The following SUSD1 variants were observed in gnomAD, a reference collection of about 807,000 sequenced individuals.
The protein encoded by SUSD1 is sushi domain containing 1.
A neutral mutation model predicts 86.9 loss-of-function variants in SUSD1; 65 were observed. That is an observed-to-expected ratio of 0.75 (90% CI 0.61 to 0.92). The LOEUF (loss-of-function observed/expected upper bound fraction) is 0.92, where lower values mean the gene tolerates loss of function less well. Among genes scored for constraint, SUSD1 ranks in the 40% least tolerant of loss-of-function variants. The probability of loss-of-function intolerance (pLI) is 0.00; values close to 1 mark genes in which losing one functional copy is unlikely to be tolerated. For missense variants in SUSD1, 850 were observed against 929.7 expected (o/e 0.91, Z 1.11); for synonymous variants, 346 against 350.0 (o/e 0.99, Z 0.13).
chr9:112,092,633 C>A (rs77286251), intron 10 of SUSD1, among the ~76,000 whole-genome samples: 1 of 152,090 alleles, frequency 6.6e-6, no homozygotes, highest in Non-Finnish European at 1.5e-5. Flanking sequence ...TTAGCCTAGA[C>A]GTCTAACCTA....
At chr9:112,054,039 A>T (rs1332109957) in intron 14 of SUSD1, among the ~76,000 whole-genome samples, 3 of 152,238 alleles carry the variant, frequency 2.0e-5, no homozygotes, top group African/African-American at 7.2e-5. Flanking sequence ...TTTCTGTCTT[A>T]GCAATGGGAG....
intron 3 of SUSD1, among the ~76,000 whole-genome samples, chr9:112,147,446 G>C (rs1307247470): frequency 6.6e-6 from 1 of 152,078 alleles, no homozygotes; most frequent in Non-Finnish European, 1.5e-5. Flanking sequence ...GAACGCAGGA[G>C]GCAGAGGTTG....
At chr9:112,089,546 G>A (rs899197723) in intron 10 of SUSD1, among the ~76,000 whole-genome samples, 3 of 152,092 alleles carry the variant, frequency 2.0e-5, no homozygotes, top group Non-Finnish European at 4.4e-5. Flanking sequence ...CTGGCCAGGT[G>A]CGGTGGCTCA....
At chr9:112,158,861 CAT>C (rs1833450053) in intron 1 of SUSD1, among the ~76,000 whole-genome samples, 2 of 152,078 alleles carry the variant, frequency 1.3e-5, no homozygotes, top group African/African-American at 4.8e-5. Context: ...GTCATTTGCC[CAT>C]ATGTTATGAT....
chr9:112,044,079 C>T (rs1827858420), intron 15 of SUSD1, among the ~76,000 whole-genome samples: 1 of 152,092 alleles, frequency 6.6e-6, no homozygotes, highest in Non-Finnish European at 1.5e-5. Context: ...GAATTATAGG[C>T]ATGAGCCACC....
At chr9:112,154,782 G>A (rs1268204660) in intron 2 of SUSD1, among the ~76,000 whole-genome samples, 1 of 152,112 alleles carries the variant, frequency 6.6e-6, no homozygotes, top group Admixed American at 6.6e-5. Flanking sequence ...AAGACCCTAG[G>A]CTTAATACCA....
At chr9:112,079,444 G>A (rs1281403458) in intron 11 of SUSD1, among the ~76,000 whole-genome samples, 2 of 152,184 alleles carry the variant, frequency 1.3e-5, no homozygotes, top group South Asian at 2.1e-4. Flanking sequence ...TAGAATACTC[G>A]TAGCTGGTCT....
At chr9:112,083,038 C>T (rs1189231031) in intron 10 of SUSD1, among the ~76,000 whole-genome samples, 2 of 152,026 alleles carry the variant, frequency 1.3e-5, no homozygotes, top group African/African-American at 4.8e-5. Context: ...TGTACCCAGC[C>T]CTCATGTTAT....
chr9:112,108,563 A>C (rs1326234341), intron 8 of SUSD1, among the ~76,000 whole-genome samples: 1 of 152,100 alleles, frequency 6.6e-6, no homozygotes, highest in Non-Finnish European at 1.5e-5. Context: ...ATATCAATTG[A>C]GCCCAGAAGT....
At chr9:112,174,862 GTCCCTGGGGGC>G (rs1834201251) in intron 1 of SUSD1, among the ~76,000 whole-genome samples, 1 of 152,000 alleles carries the variant, frequency 6.6e-6, no homozygotes. Context: ...GGCAGTGGAG[GTCCCTGGGGGC>G]CCGGCCAGGC....
chr9:112,095,809 C>T (rs1283874813), intron 10 of SUSD1, among the ~76,000 whole-genome samples: 1 of 152,120 alleles, frequency 6.6e-6, no homozygotes, highest in East Asian at 1.9e-4. Context: ...TGAAGAGTTT[C>T]CTAAGATAAA....
chr9:112,159,508 G>A (rs751732763), intron 1 of SUSD1, among the ~76,000 whole-genome samples: 6 of 152,246 alleles, frequency 3.9e-5, no homozygotes, highest in East Asian at 1.9e-4. Context: ...ATCTCAGACC[G>A]TAAAGACAAA....
At position 112,098,337 on chromosome 9, in the gene SUSD1, G is replaced by A. The variant is rs1830484226; in HGVS notation, c.1474+133C>T. 8 of 856,876 alleles carry A rather than the reference G, an allele frequency of 9.3e-6. No homozygotes were observed. In the South Asian group the frequency reaches 1.5e-4, roughly 16 times the overall value. 53.1% of individuals were successfully genotyped at this position (856,876 alleles called of 1,614,324 possible). A position where few individuals can be genotyped will look rare whatever the true frequency, so the allele number is the denominator to read the frequency against. On this transcript the variant is annotated intron_variant, in intron 10 of 16. Coordinates refer to ENST00000374270, the MANE Select transcript of SUSD1 (RefSeq NM_022486.5). ...TCAGGCATCCTGAACCCCAGACGCA[G>A]CTAACAAAGTTTGTTAGAACTGGAA...
chr9:112,112,803 A>G lies in SUSD1; in HGVS notation c.952T>C (p.Ser318Pro), dbSNP rs971633766. 1 of 1,613,184 alleles carries G rather than the reference A, an allele frequency of 6.2e-7. No homozygotes were observed. Among genetic ancestry groups the G allele is most frequent in the African/African-American group, 1.3e-5 (1 of 75,034 alleles). ...GAGATCTTGGGGTTTATTCTTCTTG[A>G]GTTTATTTGCCATCTCACACAGGTA... is the stretch of plus-strand genomic sequence containing the variant. ...NDTCVRWQIN[S>P]RRINPKISYV... Residue 318 changes from serine to proline, a missense_variant, in exon 7 of 17, where the codon TCA (serine) becomes CCA (proline). Transcript: ENST00000374270.
chr9:112,175,127 A>T lies in SUSD1; in HGVS notation c.103+6T>A, dbSNP rs1395726664. The T allele has an allele frequency of 9.6e-7, 1 of 1,039,158 alleles. No individual in the cohort carries two copies. The highest frequency in any genetic ancestry group is 1.2e-6 in the Non-Finnish European group (1 of 868,204). 64.4% of individuals were successfully genotyped at this position (1,039,158 alleles called of 1,614,324 possible). Reference sequence around the variant, plus strand: ...GCCGCCCGTGCCCGTCCCAGCCCGCACTCACCGTCGGGGCCCGGCGCTCCC... The same window carrying T: ...GCCGCCCGTGCCCGTCCCAGCCCGCTCTCACCGTCGGGGCCCGGCGCTCCC... On this transcript the variant is annotated splice_donor_region_variant and intron_variant, in intron 1 of 16. Coordinates refer to ENST00000374270, the MANE Select transcript of SUSD1 (RefSeq NM_022486.5). This position sits in a 1 kb window ranked among gnomAD's most constrained non-coding sequence, Gnocchi z 4.7.
intron 1 of SUSD1, among the ~76,000 whole-genome samples, chr9:112,159,892 G>T (rs902839684): frequency 6.6e-6 from 1 of 151,946 alleles, no homozygotes; most frequent in East Asian, 1.9e-4. Context: ...ATAATTAGTG[G>T]TTTTTCTCAT....
intron 6 of SUSD1, among the ~76,000 whole-genome samples, chr9:112,115,824 G>GAAAAAAAAGA (rs1831298454): frequency 1.2e-4 from 15 of 120,954 alleles, no homozygotes; most frequent in South Asian, 5.3e-4. Context: ...AAAAAAAAAA[G>GAAAAAAAAGA]AAAAAAAAAA....
chr9:112,132,977 T>C (rs1157618817), intron 5 of SUSD1, among the ~76,000 whole-genome samples: 1 of 152,144 alleles, frequency 6.6e-6, no homozygotes. Flanking sequence ...TAGAAAATGT[T>C]ATACAGCAGA....
At chr9:112,132,785 C>A (rs1275362737) in intron 5 of SUSD1, among the ~76,000 whole-genome samples, 2 of 152,154 alleles carry the variant, frequency 1.3e-5, no homozygotes, top group Non-Finnish European at 2.9e-5. Context: ...AAACATTAAT[C>A]TTTGTGATGG....
Sources: gnomAD v4.1 joint callset for allele counts (sites outside exome capture counted in the v4.1 genomes callset) on GRCh38, gnomAD v4.1.1 for gene constraint, Gnocchi (gnomAD v3.1) non-coding constraint, MANE v1.5 for transcripts, NCBI Gene and HGNC (gene_info 2026-07-23, HGNC 2026-07-21) for gene names.